Variants in SULF2 observed in about 807,000 individuals in gnomAD.
SULF2 encodes sulfatase 2, also known as extracellular sulfatase Sulf-2.
Under a neutral mutation model 107.7 loss-of-function variants are expected in SULF2, and 52 were observed. The ratio of observed to expected loss-of-function variants is 0.48; its 90% CI spans 0.39 to 0.61. The LOEUF is 0.61. Ranked by LOEUF, SULF2 falls within the 20% of genes least tolerant of loss-of-function variation. SULF2 has a pLI of 0.00. For synonymous variants in SULF2, 460 were observed against 464.3 expected (o/e 0.99, Z 0.12); for missense variants, 993 against 1,177.3 (o/e 0.84, Z 2.29).
chr20:47,769,066 G>A (rs2090580043), intron 1 of SULF2, among the ~76,000 whole-genome samples: 1 of 150,436 alleles, frequency 6.6e-6, no homozygotes, highest in Admixed American at 6.6e-5. Context: ...TTGAGACGGA[G>A]TTTCACTCTG....
intron 2 of SULF2, among the ~76,000 whole-genome samples, chr20:47,744,509 C>T (rs188262130): frequency 1.1e-4 from 17 of 152,242 alleles, no homozygotes; most frequent in Admixed American, 4.6e-4. Context: ...CATTCCTGCA[C>T]GGGTCTGCAG....
chr20:47,666,554 T>C lies in SULF2; in HGVS notation c.1577-66A>G. 7.6e-7 allele frequency: 1 copy of C among 1,318,516 alleles called. No homozygotes were observed. The highest frequency in any genetic ancestry group is 1.1e-6 in the Non-Finnish European group (1 of 936,854). The allele number at this position is 1,318,516 out of a possible 1,614,324, so 81.7% of individuals were successfully genotyped here. ...AAGGCTGGCCAGGCTCCCAGGGCAG[T>C]GGGTCCTTCATCAAGATAGGGCCGG... On this transcript the variant is annotated intron_variant, in intron 11 of 20. Transcript: ENST00000688720. This position sits in a 1 kb window ranked among gnomAD's most constrained non-coding sequence, Gnocchi z 5.4.
intron 3 of SULF2, among the ~76,000 whole-genome samples, chr20:47,720,548 CTTTT>C (rs11303096): frequency 7.0e-6 from 1 of 143,362 alleles, no homozygotes. Context: ...CTATCATAAT[CTTTT>C]TTTTTTTTTT....
intron 11 of SULF2, among the ~76,000 whole-genome samples, chr20:47,671,500 C>T (rs1210303042): frequency 6.6e-6 from 1 of 152,036 alleles, no homozygotes; most frequent in Non-Finnish European, 1.5e-5. Flanking sequence ...TCTTGAACTC[C>T]TGACCTCAAG....
chr20:47,748,313 C>T (rs938875767), intron 2 of SULF2, among the ~76,000 whole-genome samples: 20 of 152,206 alleles, frequency 1.3e-4, no homozygotes, highest in African/African-American at 4.6e-4. Flanking sequence ...CCTCGGGTTT[C>T]CACATGAATG....
At chr20:47,785,016 C>T (rs1261751590) in intron 1 of SULF2, among the ~76,000 whole-genome samples, 1 of 152,186 alleles carries the variant, frequency 6.6e-6, no homozygotes, top group East Asian at 1.9e-4. Context: ...CCGGCCCAGG[C>T]GCGCTCCCCT....
intron 15 of SULF2, 43 bp downstream of exon 15, chr20:47,664,087 C>T (rs2087182118): frequency 1.9e-6 from 3 of 1,599,708 alleles, no homozygotes; most frequent in Non-Finnish European, 1.7e-6. Context: ...CCTCCTCATG[C>T]AGGCCTCTGC....
intron 3 of SULF2, among the ~76,000 whole-genome samples, chr20:47,706,004 G>A (rs2088725285): frequency 6.6e-6 from 1 of 151,848 alleles, no homozygotes; most frequent in African/African-American, 2.4e-5. Flanking sequence ...TCATCATGTT[G>A]GCCAGGCTGG....
At position 47,680,109 on chromosome 20, in the gene SULF2, C is replaced by T. The variant is rs2087774889; in HGVS notation, c.1065-1305G>A. On this transcript the variant is annotated intron_variant, in intron 7 of 20. Coordinates refer to ENST00000688720, the MANE Select transcript of SULF2 (RefSeq NM_001387048.1). This position sits in a 1 kb window ranked among gnomAD's most constrained non-coding sequence, Gnocchi z 4.2. ...CATACATCTGCCACCTTTCCTGGCT[C>T]CTGTTTCTTTTTTTGAGAGGTGTCT... Among the ~76,000 whole-genome samples, 1 of 152,110 alleles carries T rather than the reference C, an allele frequency of 6.6e-6. No homozygotes were observed. The highest frequency in any genetic ancestry group is 1.5e-5 in the Non-Finnish European group (1 of 68,012).
chr20:47,765,464 T>C (rs545103491), intron 1 of SULF2, among the ~76,000 whole-genome samples: 17 of 149,292 alleles, frequency 1.1e-4, no homozygotes, highest in African/African-American at 4.1e-4. Context: ...AAGGCGGCAT[T>C]GGTCAGACGG....
At chr20:47,704,804 G>A (rs898199975) in intron 3 of SULF2, among the ~76,000 whole-genome samples, 5 of 152,234 alleles carry the variant, frequency 3.3e-5, no homozygotes, top group African/African-American at 4.8e-5. Context: ...CCTTGTGCAC[G>A]TGAGTGCTTG....
chr20:47,737,106 C>A (rs1299754574), intron 2 of SULF2, among the ~76,000 whole-genome samples, 164 bp from the exon 3 acceptor site: 1 of 152,162 alleles, frequency 6.6e-6, no homozygotes, highest in African/African-American at 2.4e-5. Flanking sequence ...GACTGTCCTG[C>A]ATAATCAGGA....
At chr20:47,696,060 C>A (rs559317523) in intron 4 of SULF2, among the ~76,000 whole-genome samples, 1 of 152,216 alleles carries the variant, frequency 6.6e-6, no homozygotes, top group Non-Finnish European at 1.5e-5. Context: ...TCTGGGCCCA[C>A]GGGCTGTGGT....
At chr20:47,684,744 C>G (rs1602639349) in intron 5 of SULF2, 163 bp from the exon 6 acceptor site, 1 of 620,156 alleles carries the variant, frequency 1.6e-6, no homozygotes, top group Non-Finnish European at 2.7e-6. Context: ...ATGTCAGGGG[C>G]TTATCCAAAC....
intron 4 of SULF2, among the ~76,000 whole-genome samples, chr20:47,696,551 A>G (rs1204330180): frequency 2.6e-5 from 4 of 152,216 alleles, no homozygotes; most frequent in Non-Finnish European, 5.9e-5. Context: ...CTATCTGACA[A>G]ATACAGCAGT....
At chr20:47,658,695 C>A (rs2086971786) in intron 20 of SULF2, among the ~76,000 whole-genome samples, 2 of 152,168 alleles carry the variant, frequency 1.3e-5, no homozygotes, top group African/African-American at 4.8e-5. Flanking sequence ...TGACCTGTTA[C>A]TAATGTCCTA....
At chr20:47,690,991 T>C (rs1201786791) in intron 4 of SULF2, among the ~76,000 whole-genome samples, 1 of 152,146 alleles carries the variant, frequency 6.6e-6, no homozygotes, top group African/African-American at 2.4e-5. Context: ...CTATAGAAAG[T>C]ACGTATGATG....
At chr20:47,668,929 C>T (rs1282113927) in intron 11 of SULF2, among the ~76,000 whole-genome samples, 6 of 152,236 alleles carry the variant, frequency 3.9e-5, no homozygotes, top group Non-Finnish European at 7.3e-5. Context: ...CTTCCTCCTC[C>T]TCAGAACACT....
At chr20:47,718,737 T>C (rs1262055831) in intron 3 of SULF2, among the ~76,000 whole-genome samples, 1 of 152,180 alleles carries the variant, frequency 6.6e-6, no homozygotes, top group Non-Finnish European at 1.5e-5. Flanking sequence ...AGATTTGCCC[T>C]TATTTAGGAA....
Sources: gnomAD v4.1 joint callset for allele counts (sites outside exome capture counted in the v4.1 genomes callset) on GRCh38, gnomAD v4.1.1 for gene constraint, Gnocchi (gnomAD v3.1) non-coding constraint, MANE v1.5 for transcripts, NCBI Gene and HGNC (gene_info 2026-07-23, HGNC 2026-07-21) for gene names.